The following ANXA3 variants were observed in gnomAD, a reference collection of about 807,000 sequenced individuals.
ANXA3 encodes 35-alpha calcimedin.
Under a neutral mutation model 48.8 loss-of-function variants are expected in ANXA3, and 46 were observed. That is an observed-to-expected ratio of 0.94 (90% CI 0.74 to 1.21). The LOEUF (loss-of-function observed/expected upper bound fraction) is 1.21. Among genes scored for constraint, ANXA3 ranks in the 50% most tolerant of loss-of-function variants. The pLI, the probability that ANXA3 is intolerant of heterozygous loss-of-function variation, is 0.00. For synonymous variants in ANXA3, 128 were observed against 134.7 expected (o/e 0.95, Z 0.35); for missense variants, 383 against 378.6 (o/e 1.01, Z -0.10).
At chr4:78,593,113 CCACACACACACACACACA>C (rs59972919) in intron 7 of ANXA3, among the ~76,000 whole-genome samples, 3 of 143,934 alleles carry the variant, frequency 2.1e-5, no homozygotes, top group Non-Finnish European at 4.5e-5. Flanking sequence ...AACACACATA[CCACACACACACACACACA>C]CACACACACA....
At chr4:78,577,962 T>C (rs1160572387) in intron 3 of ANXA3, among the ~76,000 whole-genome samples, 1 of 152,068 alleles carries the variant, frequency 6.6e-6, no homozygotes, top group Non-Finnish European at 1.5e-5. Flanking sequence ...TTACAAACAA[T>C]TCATTTTGTA....
chr4:78,576,125 C>T (rs1722947162), intron 3 of ANXA3, among the ~76,000 whole-genome samples: 1 of 152,098 alleles, frequency 6.6e-6, no homozygotes, highest in African/African-American at 2.4e-5. Context: ...TAAATATCTA[C>T]CAGGCAAGGT....
chr4:78,577,002 A>G (rs1345164510), intron 3 of ANXA3, among the ~76,000 whole-genome samples: 1 of 152,196 alleles, frequency 6.6e-6, no homozygotes, highest in Non-Finnish European at 1.5e-5. Context: ...ACAAAGACAT[A>G]AGGCAGGAGA....
chr4:78,598,916 A>G (rs1433650913), intron 10 of ANXA3, among the ~76,000 whole-genome samples: 1 of 152,010 alleles, frequency 6.6e-6, no homozygotes, highest in Non-Finnish European at 1.5e-5. Context: ...TGTTTGAAAA[A>G]CTTTGTTGAG....
chr4:78,558,595 A>G (rs1160449471), intron 2 of ANXA3, among the ~76,000 whole-genome samples: 2 of 152,254 alleles, frequency 1.3e-5, no homozygotes, highest in Non-Finnish European at 2.9e-5. Flanking sequence ...ACCATTGAAG[A>G]TGAAAGAATG....
intron 7 of ANXA3, among the ~76,000 whole-genome samples, chr4:78,592,994 AT>A (rs1322380892): frequency 1.3e-5 from 2 of 152,198 alleles, no homozygotes; most frequent in African/African-American, 4.8e-5. Flanking sequence ...ATTTTAAACT[AT>A]TGTAGCTAAA....
At chr4:78,580,830 C>G (rs1436631060) in intron 4 of ANXA3, among the ~76,000 whole-genome samples, 1 of 152,230 alleles carries the variant, frequency 6.6e-6, no homozygotes, top group Admixed American at 6.5e-5. Flanking sequence ...CTTTAAAGGA[C>G]TAGCACAGAG....
intron 3 of ANXA3, among the ~76,000 whole-genome samples, chr4:78,577,064 A>T (rs752065667): frequency 6.6e-6 from 1 of 152,188 alleles, no homozygotes; most frequent in Non-Finnish European, 1.5e-5. Flanking sequence ...CATCCTGAAG[A>T]TTACAAAGAG....
chr4:78,586,456 A>C, intron 6 of ANXA3, 106 bp downstream of exon 6: 1 of 763,898 alleles, frequency 1.3e-6, no homozygotes, highest in African/African-American at 1.8e-5. Context: ...TGAGAAGACA[A>C]GACTTACAGA....
At chr4:78,555,757 G>A (rs1433114252) in intron 2 of ANXA3, among the ~76,000 whole-genome samples, 1 of 151,764 alleles carries the variant, frequency 6.6e-6, no homozygotes, top group Non-Finnish European at 1.5e-5. Flanking sequence ...AGGCTCAGGT[G>A]GTAAGATCGC....
chr4:78,594,385 C>G (rs2109944816), intron 7 of ANXA3, among the ~76,000 whole-genome samples: 1 of 152,240 alleles, frequency 6.6e-6, no homozygotes, highest in Admixed American at 6.5e-5. Flanking sequence ...TTTTCAACTC[C>G]TTTAGTTAAA....
intron 10 of ANXA3, among the ~76,000 whole-genome samples, chr4:78,599,075 C>G (rs1437521444): frequency 6.6e-6 from 1 of 152,104 alleles, no homozygotes; most frequent in Non-Finnish European, 1.5e-5. Flanking sequence ...GTTACACTTT[C>G]ATTTTGTTTC....
At chr4:78,585,344 G>A (rs1038563078) in intron 5 of ANXA3, among the ~76,000 whole-genome samples, 3 of 152,172 alleles carry the variant, frequency 2.0e-5, no homozygotes, top group Admixed American at 2.0e-4. Context: ...TTTAACTCAT[G>A]GTTTTCACTT....
At chr4:78,572,109 TAAG>T (rs1025361220) in intron 2 of ANXA3, among the ~76,000 whole-genome samples, 1 of 152,206 alleles carries the variant, frequency 6.6e-6, no homozygotes, top group Non-Finnish European at 1.5e-5. Context: ...ACTTGAAAAA[TAAG>T]AAGATTTAGG....
At chr4:78,576,443 C>T (rs972430915) in intron 3 of ANXA3, among the ~76,000 whole-genome samples, 3 of 152,072 alleles carry the variant, frequency 2.0e-5, no homozygotes, top group Non-Finnish European at 2.9e-5. Flanking sequence ...ACTACAGATG[C>T]TCATCACAAT....
Position 78,591,640 on chromosome 4 carries a change from T to G in ANXA3, c.483+17T>G, listed in dbSNP as rs1265532685. 3.1e-6 allele frequency: 5 copies of G among 1,590,626 alleles called. No individual in the cohort carries two copies. Among genetic ancestry groups the G allele is most frequent in the Non-Finnish European group, 4.3e-6 (5 of 1,159,636 alleles). On this transcript the variant is annotated intron_variant, in intron 7 of 12. Coordinates refer to ENST00000264908, the MANE Select transcript of ANXA3 (RefSeq NM_005139.3). ...TTGGCAGATGTAAGGTTTTATTTTT[T>G]ATTTTTTAACTCCCCAGTAAGCTGC...
chr4:78,558,929 T>C (rs1722571140), intron 2 of ANXA3, among the ~76,000 whole-genome samples: 1 of 152,210 alleles, frequency 6.6e-6, no homozygotes, highest in South Asian at 2.1e-4. Flanking sequence ...TACCTTCTGT[T>C]ATACAATGCT....
chr4:78,591,144 G>A (rs1467560804), intron 6 of ANXA3, among the ~76,000 whole-genome samples: 3 of 152,230 alleles, frequency 2.0e-5, no homozygotes, highest in Non-Finnish European at 4.4e-5. Context: ...AGCTGAGAAA[G>A]TAGTTTTTAA....
Position 78,595,452 on chromosome 4 carries a change from G to C in ANXA3, c.540+15G>C, listed in dbSNP as rs558889270. ...AAGATGCCCAGGTCAGTAACAAAGC[G>C]GGAAAACATTTCCTTTACCTATTCT... is the stretch of plus-strand genomic sequence containing the variant. On this transcript the variant is annotated intron_variant, in intron 8 of 12. Coordinates refer to ENST00000264908, the MANE Select transcript of ANXA3 (RefSeq NM_005139.3). The C allele has an allele frequency of 2.5e-6, 4 of 1,612,594 alleles. No homozygotes were observed. Among genetic ancestry groups the C allele is most frequent in the Admixed American group, 1.7e-5 (1 of 59,676 alleles).
Sources: gnomAD v4.1 joint callset for allele counts (sites outside exome capture counted in the v4.1 genomes callset) on GRCh38, gnomAD v4.1.1 for gene constraint, MANE v1.5 for transcripts, NCBI Gene and HGNC (gene_info 2026-07-23, HGNC 2026-07-21) for gene names.